CA10: variants seen among roughly 807,000 people sequenced by gnomAD.
CA10 encodes the protein carbonic anhydrase-related protein 10.
In CA10, 14 loss-of-function variants were observed where a neutral mutation model predicts 44.2. The observed-to-expected ratio is 0.32, with a 90% confidence interval of 0.21 to 0.50. CA10 has a LOEUF of 0.50. Ranked by LOEUF, CA10 falls within the 20% of genes least tolerant of loss-of-function variation. The pLI, the probability that CA10 is intolerant of heterozygous loss-of-function variation, is 0.99. For missense variants in CA10, 350 were observed against 409.7 expected, an observed-to-expected ratio of 0.85 and a Z score of 1.26; for synonymous variants, 159 against 141.6, an observed-to-expected ratio of 1.12 and a Z score of -0.87.
chr17:51,759,653 G>T (rs1321584637), intron 3 of CA10, among the ~76,000 whole-genome samples: 2 of 152,014 alleles, frequency 1.3e-5, no homozygotes, highest in Non-Finnish European at 2.9e-5. Flanking sequence ...CCTGGTCCAA[G>T]CTCCACCCCC....
intron 3 of CA10, among the ~76,000 whole-genome samples, chr17:51,865,386 A>C (rs548273258): frequency 6.6e-6 from 1 of 152,340 alleles, no homozygotes; most frequent in African/African-American, 2.4e-5. Context: ...AAATGTGCTG[A>C]ATTAATGAAC....
intron 4 of CA10, among the ~76,000 whole-genome samples, chr17:51,695,463 C>A (rs961336367): frequency 6.6e-6 from 1 of 152,062 alleles, no homozygotes; most frequent in African/African-American, 2.4e-5. Context: ...CTTGATTTGA[C>A]TCTCAGCTTG....
intron 4 of CA10, among the ~76,000 whole-genome samples, chr17:51,743,512 T>C (rs1475649172): frequency 1.3e-5 from 2 of 152,248 alleles, no homozygotes; most frequent in Non-Finnish European, 2.9e-5. Flanking sequence ...GTGTAGGACA[T>C]GAGTAATTTT....
intron 3 of CA10, among the ~76,000 whole-genome samples, chr17:51,854,921 T>A (rs1307712547): frequency 6.6e-6 from 1 of 152,140 alleles, no homozygotes; most frequent in African/African-American, 2.4e-5. Flanking sequence ...TTACCCCAAT[T>A]TCACAGAGGA....
intron 2 of CA10, among the ~76,000 whole-genome samples, chr17:52,020,382 A>G (rs568663511): frequency 1.3e-3 from 193 of 152,070 alleles, no homozygotes; most frequent in African/African-American, 4.4e-3. Flanking sequence ...TCATATTTTA[A>G]TATCACTTTA....
chr17:51,845,127 C>A (rs780357794), intron 3 of CA10, among the ~76,000 whole-genome samples: 1 of 152,212 alleles, frequency 6.6e-6, no homozygotes, highest in Non-Finnish European at 1.5e-5. Context: ...TCAGAGGGAG[C>A]ACAGCTCTGC....
chr17:51,977,299 G>A (rs1456650997), intron 2 of CA10, among the ~76,000 whole-genome samples: 3 of 151,430 alleles, frequency 2.0e-5, no homozygotes, highest in African/African-American at 7.3e-5. Context: ...CAAAATATTA[G>A]TAAACAAAAC....
chr17:51,801,308 A>G (rs905545117), intron 3 of CA10, among the ~76,000 whole-genome samples: 7 of 152,254 alleles, frequency 4.6e-5, no homozygotes, highest in African/African-American at 1.4e-4. Flanking sequence ...CACCCATCCA[A>G]CTTGTGGTCG....
intron 2 of CA10, among the ~76,000 whole-genome samples, chr17:51,948,888 G>A (rs1301557754): frequency 6.6e-6 from 1 of 152,094 alleles, no homozygotes; most frequent in Non-Finnish European, 1.5e-5. Flanking sequence ...TGCTAAAAAT[G>A]TATGATTAAT....
intron 3 of CA10, among the ~76,000 whole-genome samples, chr17:51,922,140 CAT>C (rs1397546230): frequency 6.6e-6 from 1 of 152,126 alleles, no homozygotes; most frequent in Non-Finnish European, 1.5e-5. Flanking sequence ...TGCATTTTTT[CAT>C]ATAATTCTCT....
chr17:51,692,936 G>A (rs1036873735), intron 4 of CA10, among the ~76,000 whole-genome samples: 59 of 152,160 alleles, frequency 3.9e-4, no homozygotes, highest in African/African-American at 1.4e-3. Context: ...GTTTTGAATG[G>A]TCTTGGCTGG....
intron 2 of CA10, among the ~76,000 whole-genome samples, chr17:52,012,296 G>A (rs1410723782): frequency 6.6e-6 from 1 of 151,906 alleles, no homozygotes; most frequent in African/African-American, 2.4e-5. Context: ...ACTGAAATTT[G>A]GAGACACTGA....
At chr17:51,819,935 T>A (rs9898772) in intron 3 of CA10, among the ~76,000 whole-genome samples, 2 of 152,148 alleles carry the variant, frequency 1.3e-5, no homozygotes, top group African/African-American at 4.8e-5. Context: ...TCTTTGTTTA[T>A]CCCCCTCTCT....
Position 52,072,308 on chromosome 17 carries a change from T to C in CA10, c.136+11A>G, listed in dbSNP as rs752185212. The C allele has an allele frequency of 5.1e-6, 8 of 1,555,572 alleles. No homozygotes were observed. On this transcript the variant is annotated intron_variant, in intron 2 of 8. Coordinates refer to ENST00000451037, the MANE Select transcript of CA10 (RefSeq NM_020178.5). ...TTTAATAAATAAATTAAAGAATTAA[T>C]GTGTACTTACCTGGAACAAAGCTTC...
chr17:51,825,008 A>C (rs1337053122), intron 3 of CA10, among the ~76,000 whole-genome samples: 1 of 152,160 alleles, frequency 6.6e-6, no homozygotes, highest in African/African-American at 2.4e-5. Context: ...ATTTTGTTGC[A>C]TTTTCTTTAT....
chr17:52,065,239 C>T (rs1179922360), intron 2 of CA10, among the ~76,000 whole-genome samples: 1 of 152,226 alleles, frequency 6.6e-6, no homozygotes, highest in Non-Finnish European at 1.5e-5. Context: ...CCTTGATCTC[C>T]AGACTATTTC....
intron 3 of CA10, among the ~76,000 whole-genome samples, chr17:51,844,266 G>C (rs558260583): frequency 1.4e-4 from 22 of 152,130 alleles, no homozygotes; most frequent in African/African-American, 5.3e-4. Flanking sequence ...CTTGAAATTT[G>C]TAAAATAACC....
chr17:51,930,298 A>G (rs182466843), intron 3 of CA10, among the ~76,000 whole-genome samples: 43 of 152,146 alleles, frequency 2.8e-4, no homozygotes, highest in African/African-American at 1.0e-3. Context: ...TTAACAACCT[A>G]CTCAACAGTA....
At chr17:52,052,303 A>ATTT (rs757680345) in intron 2 of CA10, among the ~76,000 whole-genome samples, 2,610 of 119,782 alleles carry the variant, frequency 0.022, 37 homozygotes, top group South Asian at 0.068. Flanking sequence ...TTTTTTTAAA[A>ATTT]AAAAAAAAAA....
Sources: allele counts gnomAD v4.1 joint callset (sites outside exome capture counted in the v4.1 genomes callset), GRCh38; gene constraint gnomAD v4.1.1; transcripts MANE v1.5; gene names NCBI Gene and HGNC (gene_info 2026-07-23, HGNC 2026-07-21).